The following RANBP2 variants were observed in gnomAD, a reference collection of about 807,000 sequenced individuals.
RANBP2 encodes the protein E3 SUMO-protein ligase RanBP2.
In RANBP2, 57 loss-of-function variants were observed where a neutral mutation model predicts 303.6. The observed-to-expected ratio is 0.19, with a 90% CI of 0.15 to 0.23. The LOEUF is 0.23. Ranked by LOEUF, RANBP2 falls within the 10% of genes least tolerant of loss-of-function variation. The probability of loss-of-function intolerance (pLI) is 1.00; values close to 1 mark genes in which losing one functional copy is unlikely to be tolerated. For synonymous variants in RANBP2, 1,167 were observed against 1,301.5 expected (o/e 0.90, Z 2.23); for missense variants, 3,138 against 3,780.8 (o/e 0.83, Z 4.46).
chr2:109,046,409 T>G, the RANBP2 span, among the ~76,000 whole-genome samples: 2 of 151,254 alleles, frequency 1.3e-5, no homozygotes, highest in African/African-American at 4.9e-5. Flanking sequence ...TTCTTTTCTT[T>G]TCTTTTTTTT....
chr2:109,057,155 T>G, the RANBP2 span, among the ~76,000 whole-genome samples: 1 of 152,190 alleles, frequency 6.6e-6, no homozygotes, highest in Admixed American at 6.5e-5. Context: ...TCCTACAATA[T>G]TCACTTGAGA....
At chr2:109,621,298 G>A in the RANBP2 span, among the ~76,000 whole-genome samples, 5,912 of 152,010 alleles carry the variant, frequency 0.039, 406 homozygotes, top group African/African-American at 0.14. Flanking sequence ...GACTACAGTC[G>A]CGCGCCACTA....
the RANBP2 span, among the ~76,000 whole-genome samples, chr2:109,068,091 GCCACCCACACCACCCCCTCACGGGGCTA>G: frequency 1.1e-4 from 17 of 152,238 alleles, no homozygotes; most frequent in African/African-American, 4.1e-4. Context: ...CCTGACTGCT[GCCACCCACACCACCCCCTCACGGGGCTA>G]CCCCACTTCC....
chr2:109,447,268 A>T, the RANBP2 span, among the ~76,000 whole-genome samples: 3 of 151,892 alleles, frequency 2.0e-5, no homozygotes, highest in Middle Eastern at 3.4e-3. Context: ...AGTCCCGGAG[A>T]ATCTGGGATC....
chr2:109,436,767 C>T, the RANBP2 span: 9 of 1,407,590 alleles, frequency 6.4e-6, no homozygotes, highest in Non-Finnish European at 8.5e-6. Context: ...TTTAGGACCT[C>T]GTCCCCAGAT....
chr2:109,298,803 A>G, the RANBP2 span, among the ~76,000 whole-genome samples: 1 of 152,126 alleles, frequency 6.6e-6, no homozygotes, highest in African/African-American at 2.4e-5. Context: ...CCCCAGGATG[A>G]CAGAGCTGCC....
the RANBP2 span, among the ~76,000 whole-genome samples, chr2:109,003,205 CAAAAA>C: frequency 2.2e-5 from 1 of 45,430 alleles, no homozygotes; most frequent in Non-Finnish European, 4.2e-5. Flanking sequence ...GTCTCCCTCT[CAAAAA>C]AAAAAAAAAA....
At chr2:108,793,589 T>G in the RANBP2 span, among the ~76,000 whole-genome samples, 773 of 151,962 alleles carry the variant, frequency 5.1e-3, 4 homozygotes, top group South Asian at 0.021. Flanking sequence ...AGGAAACTTT[T>G]TTTTGTTTTG....
the RANBP2 span, among the ~76,000 whole-genome samples, chr2:109,340,109 A>G: frequency 1.3e-5 from 2 of 152,184 alleles, no homozygotes; most frequent in African/African-American, 2.4e-5. Context: ...AGTAGCAGCT[A>G]AATAATGGCT....
chr2:109,172,809 G>C, the RANBP2 span, among the ~76,000 whole-genome samples: 4 of 152,356 alleles, frequency 2.6e-5, no homozygotes, highest in African/African-American at 9.6e-5. Flanking sequence ...AAGTTTCCCA[G>C]TGCCAGCACG....
At chr2:108,966,170 C>A in the RANBP2 span, among the ~76,000 whole-genome samples, 4 of 152,184 alleles carry the variant, frequency 2.6e-5, no homozygotes, top group African/African-American at 9.7e-5. Context: ...TCCTCCTGGT[C>A]TTTTATTGCC....
chr2:109,490,155 C>T, the RANBP2 span, among the ~76,000 whole-genome samples: 2 of 152,244 alleles, frequency 1.3e-5, no homozygotes, highest in Non-Finnish European at 2.9e-5. Flanking sequence ...ACCCATCTTA[C>T]AACTGAGATG....
At chr2:109,039,693 C>T in the RANBP2 span, among the ~76,000 whole-genome samples, 2 of 151,834 alleles carry the variant, frequency 1.3e-5, no homozygotes, top group African/African-American at 4.8e-5. Flanking sequence ...TTGTTAAGTA[C>T]CTATTCCATT....
chr2:109,023,918 TTTTA>T, the RANBP2 span, among the ~76,000 whole-genome samples: 683 of 151,948 alleles, frequency 4.5e-3, 6 homozygotes, highest in Non-Finnish European at 7.5e-3. Flanking sequence ...CTGCTTATAT[TTTTA>T]TTTATTTATT....
chr2:109,137,483 G>C, the RANBP2 span, among the ~76,000 whole-genome samples: 1 of 152,356 alleles, frequency 6.6e-6, no homozygotes, highest in East Asian at 1.9e-4. Flanking sequence ...ACTTGCTGCT[G>C]TGGCTAGGAC....
At chr2:108,758,207 G>T (rs1280543985) in intron 17 of RANBP2, among the ~76,000 whole-genome samples, 1 of 151,018 alleles carries the variant, frequency 6.6e-6, no homozygotes, top group African/African-American at 2.4e-5. Flanking sequence ...TGAAGTGGGA[G>T]AATTGCTTGA....
chr2:109,436,672 C>T, the RANBP2 span, among the ~76,000 whole-genome samples: 1 of 152,374 alleles, frequency 6.6e-6, no homozygotes, highest in South Asian at 2.1e-4. Flanking sequence ...GGCGGCTTTG[C>T]TATCTCTTAA....
the RANBP2 span, chr2:109,130,081 C>T: frequency 1.5e-6 from 2 of 1,366,662 alleles, no homozygotes; most frequent in East Asian, 3.1e-5. Context: ...TCTGCGGGAG[C>T]TGGCGACCAG....
At chr2:109,572,284 C>A in the RANBP2 span, among the ~76,000 whole-genome samples, 583 of 152,198 alleles carry the variant, frequency 3.8e-3, 6 homozygotes, top group African/African-American at 0.013. Flanking sequence ...GCGCATGCCA[C>A]GACGCCCGGC....
Sources: gnomAD v4.1 joint callset for allele counts (sites outside exome capture counted in the v4.1 genomes callset) on GRCh38, gnomAD v4.1.1 for gene constraint, MANE v1.5 for transcripts, NCBI Gene and HGNC (gene_info 2026-07-23, HGNC 2026-07-21) for gene names.